Variants in TUBA1C observed in about 807,000 individuals in gnomAD.
TUBA1C encodes the protein tubulin alpha-1C chain.
TUBA1C carries 16 observed loss-of-function variants against 34.9 expected under a neutral mutation model. The ratio of observed to expected loss-of-function variants is 0.46; its 90% CI spans 0.31 to 0.70. TUBA1C has a LOEUF of 0.70. Among genes scored for constraint, TUBA1C ranks in the 30% least tolerant of loss-of-function variants. The pLI is 0.05. For missense variants in TUBA1C, 329 were observed against 587.3 expected (o/e 0.56, Z 4.55); for synonymous variants, 177 against 215.9 (o/e 0.82, Z 1.58).
At chr12:49,247,666 G>A (rs976540294) in intron 1 of TUBA1C, among the ~76,000 whole-genome samples, 1 of 151,624 alleles carries the variant, frequency 6.6e-6, no homozygotes, top group Non-Finnish European at 1.5e-5. Context: ...AAGTAAAATC[G>A]GCTGGGCATG....
At chr12:49,270,214 GGTCATCTTA>G (rs1169393298) in intron 3 of TUBA1C, 1 of 741,494 alleles carries the variant, frequency 1.3e-6, no homozygotes, top group Non-Finnish European at 2.2e-6. Flanking sequence ...CCCCTTTTGA[GGTCATCTTA>G]GTCATACTGA....
Position 49,265,140 on chromosome 12 carries a change from C to T in TUBA1C, c.-42C>T, listed in dbSNP as rs773104326. ...TAGTGGGAGATCCTTGTTGCCGTCC[C>T]TTCGCCTCCTTCACCGCCGCAGACC... is the stretch of plus-strand genomic sequence containing the variant. On this transcript the variant is annotated 5_prime_UTR_variant, in exon 1 of 4. Coordinates refer to ENST00000301072, the MANE Select transcript of TUBA1C (RefSeq NM_032704.5). 62 of 1,597,038 alleles carry T rather than the reference C, an allele frequency of 3.9e-5. No homozygotes were observed. In the Admixed American group the frequency reaches 1.0e-3, roughly 26 times the overall value.
intron 1 of TUBA1C, among the ~76,000 whole-genome samples, chr12:49,268,306 C>A (rs1394609813): frequency 1.3e-5 from 2 of 152,150 alleles, no homozygotes; most frequent in African/African-American, 2.4e-5. Flanking sequence ...AGCATATTGG[C>A]CAGGCTGTTC....
At chr12:49,250,386 T>C (rs1942721149) in intron 1 of TUBA1C, among the ~76,000 whole-genome samples, 1 of 151,640 alleles carries the variant, frequency 6.6e-6, no homozygotes, top group South Asian at 2.1e-4. Flanking sequence ...TAGTCGGGCA[T>C]GGTGGCGGGC....
At chr12:49,270,791 T>C (rs558311506) in intron 3 of TUBA1C, among the ~76,000 whole-genome samples, 12 of 152,152 alleles carry the variant, frequency 7.9e-5, no homozygotes, top group South Asian at 2.1e-4. Flanking sequence ...CCATCCTGGC[T>C]AACATGGTGA....
At chr12:49,246,534 G>C (rs1353041082) in intron 1 of TUBA1C, among the ~76,000 whole-genome samples, 2 of 151,968 alleles carry the variant, frequency 1.3e-5, no homozygotes, top group African/African-American at 2.4e-5. Context: ...AATTAGCCGG[G>C]TGTGGTGGCG....
At chr12:49,254,091 C>T (rs1942757897) in intron 1 of TUBA1C, among the ~76,000 whole-genome samples, 3 of 151,994 alleles carry the variant, frequency 2.0e-5, no homozygotes, top group Admixed American at 6.6e-5. Context: ...GCAGGCGGAT[C>T]ACCTGAGGTC....
upstream of TUBA1C, among the ~76,000 whole-genome samples, chr12:49,264,315 C>G (rs995378853): frequency 6.6e-6 from 1 of 152,162 alleles, no homozygotes; most frequent in African/African-American, 2.4e-5. Flanking sequence ...GCTTTTGCGC[C>G]TATCGGGAGG....
chr12:49,262,897 A>C (rs1258481433), upstream of TUBA1C, among the ~76,000 whole-genome samples: 1 of 152,154 alleles, frequency 6.6e-6, no homozygotes, highest in African/African-American at 2.4e-5. Context: ...AAGATCTGTT[A>C]ACATAAAGGT....
intron 1 of TUBA1C, among the ~76,000 whole-genome samples, 153 bp from the exon 2 acceptor site, chr12:49,269,312 C>T (rs1295614801): frequency 1.3e-5 from 2 of 152,212 alleles, no homozygotes; most frequent in African/African-American, 2.4e-5. Flanking sequence ...ATCCACCTGC[C>T]TCAGCCTCCC....
In TUBA1C at chr12:49,269,691, A is replaced by T. The variant is rs759817896; in HGVS notation, c.226+4A>T. On this transcript the variant is annotated splice_donor_region_variant and intron_variant, in intron 2 of 3. Coordinates refer to ENST00000301072, the MANE Select transcript of TUBA1C (RefSeq NM_032704.5). ...GACTTGGAACCCACAGTCATTGGTG[A>T]GTTGACCTCAGTAACCCAAGTGAGA... is the stretch of plus-strand genomic sequence containing the variant. 1.2e-6 allele frequency: 2 copies of T among 1,613,860 alleles called. No individual in the cohort carries two copies. Among genetic ancestry groups the T allele is most frequent in the Admixed American group, 3.3e-5 (2 of 60,012 alleles).
upstream of TUBA1C, among the ~76,000 whole-genome samples, chr12:49,261,044 A>G (rs1041873387): frequency 1.2e-4 from 18 of 152,090 alleles, no homozygotes; most frequent in Non-Finnish European, 7.4e-5. Flanking sequence ...GAAATGCATA[A>G]ATCTTAAAAA....
chr12:49,253,049 T>C (rs1942746553), intron 1 of TUBA1C, among the ~76,000 whole-genome samples: 2 of 143,374 alleles, frequency 1.4e-5, no homozygotes, highest in African/African-American at 5.3e-5. Context: ...GCAGCACCAC[T>C]GCACTCCAGC....
chr12:49,254,484 CAAAAAAAAAAAA>C (rs764051406), intron 1 of TUBA1C, among the ~76,000 whole-genome samples: 78 of 29,700 alleles, frequency 2.6e-3, no homozygotes, highest in African/African-American at 6.9e-3. Flanking sequence ...TCCATCTAAA[CAAAAAAAAAAAA>C]AAAAAAAAAA....
chr12:49,263,155 G>C (rs1415613680), upstream of TUBA1C, among the ~76,000 whole-genome samples: 1 of 151,698 alleles, frequency 6.6e-6, no homozygotes, highest in Non-Finnish European at 1.5e-5. Flanking sequence ...CGAGTAGTTG[G>C]GATTACAGGT....
chr12:49,262,328 G>T (rs1942848390), upstream of TUBA1C, among the ~76,000 whole-genome samples: 1 of 140,518 alleles, frequency 7.1e-6, no homozygotes, highest in African/African-American at 2.7e-5. Flanking sequence ...GAGGCAAGAG[G>T]ATTGCTTGAG....
In TUBA1C at chr12:49,273,483, G is replaced by T; in HGVS notation, c.*256G>T. 1.9e-6 allele frequency: 1 copy of T among 539,660 alleles called. No homozygotes were observed. Among genetic ancestry groups the T allele is most frequent in the Non-Finnish European group, 3.2e-6 (1 of 309,248 alleles). The allele number at this position is 539,660 out of a possible 1,614,324, so 33.4% of individuals were successfully genotyped here. On this transcript the variant is annotated 3_prime_UTR_variant, in exon 4 of 4. Transcript: ENST00000301072. Reference sequence around the variant, plus strand: ...TAGCTCATTGCAGCCTCGAGCTCCTGGACTCATGTGATTCTCCTGCTTCAG... The same window carrying T: ...TAGCTCATTGCAGCCTCGAGCTCCTTGACTCATGTGATTCTCCTGCTTCAG...
intron 1 of TUBA1C, among the ~76,000 whole-genome samples, chr12:49,267,836 ATT>A (rs757830552): frequency 4.6e-5 from 7 of 152,048 alleles, no homozygotes; most frequent in Non-Finnish European, 1.0e-4. Flanking sequence ...TAGGGTTTTT[ATT>A]ATCTCTTGGC....
chr12:49,249,346 G>C (rs2137001190), intron 1 of TUBA1C, among the ~76,000 whole-genome samples: 1 of 152,184 alleles, frequency 6.6e-6, no homozygotes, highest in South Asian at 2.1e-4. Flanking sequence ...AGAATCACTT[G>C]AACCCGGGAG....
Sources: gnomAD v4.1 joint callset for allele counts (sites outside exome capture counted in the v4.1 genomes callset) on GRCh38, gnomAD v4.1.1 for gene constraint, MANE v1.5 for transcripts, NCBI Gene and HGNC (gene_info 2026-07-23, HGNC 2026-07-21) for gene names.